Variants in JADE1 observed in about 807,000 individuals in gnomAD.
The protein encoded by JADE1 is jade family PHD finger 1.
JADE1 carries 14 observed loss-of-function variants against 81.8 expected under a neutral mutation model. The ratio of observed to expected loss-of-function variants is 0.17; its 90% CI spans 0.11 to 0.27. The LOEUF is 0.27. Ranked by LOEUF, JADE1 falls within the 10% of genes least tolerant of loss-of-function variation. JADE1 has a pLI of 1.00. For synonymous variants in JADE1, 353 were observed against 391.9 expected, an observed-to-expected ratio of 0.90 and a Z score of 1.17; for missense variants, 690 against 1,047.9, an observed-to-expected ratio of 0.66 and a Z score of 4.71.
At chr4:128,836,962 T>C (rs1323873999) in intron 2 of JADE1, among the ~76,000 whole-genome samples, 1 of 152,200 alleles carries the variant, frequency 6.6e-6, no homozygotes, top group East Asian at 1.9e-4. Context: ...CTTTGGTGTC[T>C]CTCAAAGGTC....
At chr4:128,844,424 TG>T (rs1470647306) in intron 3 of JADE1, among the ~76,000 whole-genome samples, 6 of 152,232 alleles carry the variant, frequency 3.9e-5, no homozygotes, top group African/African-American at 1.4e-4. Context: ...ACTCCAGAGT[TG>T]ACGTCCATTT....
chr4:128,865,515 A>T (rs1158967989), intron 9 of JADE1, among the ~76,000 whole-genome samples: 1 of 152,156 alleles, frequency 6.6e-6, no homozygotes, highest in Non-Finnish European at 1.5e-5. Flanking sequence ...GGAAGAAGGG[A>T]CAAGCTGGAT....
intron 2 of JADE1, among the ~76,000 whole-genome samples, chr4:128,838,584 A>T (rs1055832201): frequency 6.6e-6 from 1 of 152,200 alleles, no homozygotes; most frequent in African/African-American, 2.4e-5. Context: ...TAGCAAGCAC[A>T]CTGTTTTTAA....
chr4:128,858,285 C>A (rs971291100), intron 8 of JADE1, among the ~76,000 whole-genome samples: 1 of 152,096 alleles, frequency 6.6e-6, no homozygotes, highest in African/African-American at 2.4e-5. Context: ...TTTTAGGCCT[C>A]ACATTATTGA....
intron 5 of JADE1, among the ~76,000 whole-genome samples, chr4:128,850,828 A>G (rs888343804): frequency 1.3e-5 from 2 of 152,272 alleles, no homozygotes; most frequent in Non-Finnish European, 1.5e-5. Flanking sequence ...GGGCTAATCC[A>G]TATTTGAAGA....
chr4:128,872,053 T>C lies in JADE1; in HGVS notation c.2320T>C (p.Ser774Pro), dbSNP rs752290767. Residue 774 changes from serine to proline, a missense_variant, in exon 11 of 11, where the codon TCA becomes CCA. Around this residue, in one of 8 missense-constraint regions of JADE1, gnomAD observed 218 missense variants for 274.3 expected, o/e 0.79. Transcript: ENST00000226319. ...EAHDGACHQHSDYPYLGLGRV... is the reference protein window; with the variant it reads ...EAHDGACHQHPDYPYLGLGRV... ...CCACGATGGGGCCTGCCACCAGCAC[T>C]CAGACTACCCATATTTGGGCTTAGG... The C allele has an allele frequency of 6.2e-7, 1 of 1,613,904 alleles. No individual in the cohort carries two copies. The highest frequency in any genetic ancestry group is 8.5e-7 in the Non-Finnish European group (1 of 1,179,998).
intron 6 of JADE1, among the ~76,000 whole-genome samples, chr4:128,853,751 G>A (rs1191509353): frequency 6.6e-6 from 1 of 152,200 alleles, no homozygotes; most frequent in African/African-American, 2.4e-5. Context: ...TTCTTGGGAA[G>A]AAGAAGCACG....
In JADE1 at chr4:128,871,808, A is replaced by G; in HGVS notation, c.2075A>G (p.Gln692Arg). 9.3e-6 allele frequency: 15 copies of G among 1,614,164 alleles called. No homozygotes were observed. Among genetic ancestry groups the G allele is most frequent in the East Asian group, 2.2e-5 (1 of 44,868 alleles). The part of the protein sequence containing the change: ...HKPLRSTDVS[Q>R]RHLDNTRAAT... ...CCTCTCAGGTCCACAGATGTGTCCC[A>G]GAGGCATCTGGACAACACAAGAGCT... Residue 692 changes from glutamine (Q) to arginine (R), a missense_variant, in exon 11 of 11, where the codon CAG becomes CGG. Coordinates refer to ENST00000226319, the MANE Select transcript of JADE1 (RefSeq NM_199320.4). This position sits in a 1 kb window ranked among gnomAD's most constrained non-coding sequence, Gnocchi z 4.1.
chr4:128,818,501 A>G (rs1341236463), intron 1 of JADE1, among the ~76,000 whole-genome samples: 2 of 152,126 alleles, frequency 1.3e-5, no homozygotes, highest in African/African-American at 2.4e-5. Flanking sequence ...GCACCTGGTA[A>G]TTGATTCACA....
intron 1 of JADE1, among the ~76,000 whole-genome samples, chr4:128,818,092 A>G (rs748017888): frequency 9.9e-5 from 15 of 151,780 alleles, no homozygotes; most frequent in Non-Finnish European, 1.9e-4. Flanking sequence ...GGTCTCCTCA[A>G]TGCCTTCCTT....
In JADE1 at chr4:128,873,950, C is replaced by T. The variant is rs554174292; in HGVS notation, c.*1688C>T. 6 of 152,680 alleles carry T rather than the reference C, an allele frequency of 3.9e-5. No homozygotes were observed. The highest frequency in any genetic ancestry group is 3.9e-4 in the East Asian group (2 of 5,174). The allele number at this position is 152,680 out of a possible 1,614,324, so 9.5% of individuals were successfully genotyped here. A position where few individuals can be genotyped will look rare whatever the true frequency, so the allele number is the denominator to read the frequency against. On this transcript the variant is annotated 3_prime_UTR_variant, in exon 11 of 11. Coordinates refer to ENST00000226319, the MANE Select transcript of JADE1 (RefSeq NM_199320.4). ...ATCTGATACATCCCCATTGTATGTA[C>T]GACATTTTCAAACCAAGTCTTAACT...
intron 1 of JADE1, among the ~76,000 whole-genome samples, chr4:128,825,792 A>G (rs542651308): frequency 2.0e-5 from 3 of 152,328 alleles, no homozygotes; most frequent in African/African-American, 7.2e-5. Flanking sequence ...CACATGACAG[A>G]AGGGATCCAA....
intron 1 of JADE1, among the ~76,000 whole-genome samples, chr4:128,830,187 AT>A (rs1220831623): frequency 1.3e-5 from 2 of 148,516 alleles, no homozygotes; most frequent in Non-Finnish European, 3.0e-5. Context: ...GGTTTTCCAC[AT>A]TTTTTTCTCC....
At chr4:128,831,365 T>A (rs1728535155) in intron 1 of JADE1, 1 of 181,120 alleles carries the variant, frequency 5.5e-6, no homozygotes, top group African/African-American at 2.4e-5. Flanking sequence ...TGAATCTGTC[T>A]GTAGTGAGGA....
intron 1 of JADE1, among the ~76,000 whole-genome samples, chr4:128,816,881 CTCTT>C (rs1263181705): frequency 2.0e-5 from 3 of 151,032 alleles, no homozygotes; most frequent in South Asian, 2.1e-4. Flanking sequence ...CATTTTCTCT[CTCTT>C]TTTTTTTTTT....
chr4:128,846,270 C>T lies in JADE1; in HGVS notation c.139-105C>T, dbSNP rs1729867978. 2 of 1,147,458 alleles carry T rather than the reference C, an allele frequency of 1.7e-6. No individual in the cohort carries two copies. The highest frequency in any genetic ancestry group is 2.6e-6 in the Non-Finnish European group (2 of 782,370). The allele number at this position is 1,147,458 out of a possible 1,614,324, so 71.1% of individuals were successfully genotyped here. A position where few individuals can be genotyped will look rare whatever the true frequency, so the allele number is the denominator to read the frequency against. On this transcript the variant is annotated intron_variant, in intron 3 of 10. Transcript: ENST00000226319. The surrounding 1 kb of genome is among the most constrained non-coding windows in gnomAD (Gnocchi z 4.0). ...AGGTCAGGCTTGTTCTATGTTGATA[C>T]AGTGACCTTGTTACATGGCAGCTCC...
At chr4:128,814,123 T>C (rs1262959539) in intron 1 of JADE1, among the ~76,000 whole-genome samples, 1 of 152,114 alleles carries the variant, frequency 6.6e-6, no homozygotes, top group African/African-American at 2.4e-5. Flanking sequence ...GCTGTGCTTA[T>C]ATTAGTTATC....
rs763195258 is a variant in JADE1 at position 128,871,545 on chromosome 4, T to C, written c.1812T>C (p.Pro604=). 6.2e-7 allele frequency: 1 copy of C among 1,614,166 alleles called. No individual in the cohort carries two copies. The highest frequency in any genetic ancestry group is 1.1e-5 in the South Asian group (1 of 91,086). The change falls in exon 11 of 11, where the codon CCT becomes CCC. Residue 604 remains proline (P), a synonymous_variant. Coordinates refer to ENST00000226319, the MANE Select transcript of JADE1 (RefSeq NM_199320.4). This position sits in a 1 kb window ranked among gnomAD's most constrained non-coding sequence, Gnocchi z 4.1. ...AGCGAGATCCTTTGCAGAATAGCCC[T>C]GGAAGTGAAGGCAAAACCCTGCTGA... ...PHKRDPLQNS[P]GSEGKTLLKQ...
intron 10 of JADE1, 37 bp downstream of exon 10, chr4:128,868,010 A>G: frequency 8.8e-7 from 1 of 1,132,562 alleles, no homozygotes; most frequent in Non-Finnish European, 1.3e-6. Context: ...AGTATAGGGC[A>G]GGGGTTTGTA....
Sources: allele counts gnomAD v4.1 joint callset (sites outside exome capture counted in the v4.1 genomes callset), GRCh38; gene constraint gnomAD v4.1.1; regional missense constraint gnomAD v4.1.1; non-coding constraint Gnocchi (gnomAD v3.1); transcripts MANE v1.5; gene names NCBI Gene and HGNC (gene_info 2026-07-23, HGNC 2026-07-21).